Variants in ABCA13 observed in about 807,000 individuals in gnomAD.
ABCA13 encodes the protein ATP-binding cassette sub-family A member 13.
In ABCA13, 476 loss-of-function variants were observed where a neutral mutation model predicts 478.7. That is an observed-to-expected ratio of 0.99 (90% confidence interval 0.92 to 1.07). The LOEUF is 1.07. ABCA13 is among the 50% of genes least tolerant of loss of function. The probability of loss-of-function intolerance (pLI) is 0.00; values close to 1 mark genes in which losing one functional copy is unlikely to be tolerated. For missense variants in ABCA13, 6,060 were observed against 5,910.6 expected (o/e 1.03, Z -0.83); for synonymous variants, 2,252 against 2,158.9 (o/e 1.04, Z -1.20).
chr7:48,513,401 A>G (rs1028040389), intron 51 of ABCA13, among the ~76,000 whole-genome samples: 1 of 152,220 alleles, frequency 6.6e-6, no homozygotes, highest in Non-Finnish European at 1.5e-5. Context: ...TTAAACTATA[A>G]AAGGGAGAGT....
At chr7:48,308,882 A>G (rs1801315158) in intron 23 of ABCA13, among the ~76,000 whole-genome samples, 1 of 150,160 alleles carries the variant, frequency 6.7e-6, no homozygotes, top group Non-Finnish European at 1.5e-5. Context: ...TTTGTAGTCT[A>G]GGAGCAATAG....
At chr7:48,214,868 G>A (rs963394216) in intron 3 of ABCA13, among the ~76,000 whole-genome samples, 2 of 152,186 alleles carry the variant, frequency 1.3e-5, no homozygotes, top group Non-Finnish European at 2.9e-5. Flanking sequence ...TTTCACTGGA[G>A]TGGCACTTTT....
chr7:48,228,398 T>C (rs775744271), intron 6 of ABCA13, among the ~76,000 whole-genome samples: 6 of 152,182 alleles, frequency 3.9e-5, no homozygotes, highest in Non-Finnish European at 8.8e-5. Context: ...TGGCCCCTCC[T>C]TCTGAGGGCA....
intron 3 of ABCA13, among the ~76,000 whole-genome samples, chr7:48,210,739 G>T (rs1462211703): frequency 6.6e-6 from 1 of 151,760 alleles, no homozygotes; most frequent in Non-Finnish European, 1.5e-5. Flanking sequence ...AATTTTTTTA[G>T]ACTTATTTTG....
chr7:48,405,598 C>A (rs906459849), intron 39 of ABCA13, among the ~76,000 whole-genome samples: 6 of 152,192 alleles, frequency 3.9e-5, no homozygotes, highest in African/African-American at 1.4e-4. Context: ...GGGAGATAGA[C>A]AAATAGATAA....
At chr7:48,581,567 G>A (rs572000328) in intron 56 of ABCA13, among the ~76,000 whole-genome samples, 1 of 152,176 alleles carries the variant, frequency 6.6e-6, no homozygotes, top group Admixed American at 6.5e-5. Context: ...GCTTGGCAAA[G>A]GCTTTAAGCT....
intron 19 of ABCA13, 94 bp from the exon 20 acceptor site, chr7:48,287,866 A>G: frequency 1.1e-6 from 1 of 891,150 alleles, no homozygotes; most frequent in Non-Finnish European, 1.8e-6. Flanking sequence ...AGGAATTTGT[A>G]TCACTTTGAA....
At chr7:48,550,606 T>G (rs61520194) in intron 55 of ABCA13, among the ~76,000 whole-genome samples, 12,379 of 151,826 alleles carry the variant, frequency 0.082, 741 homozygotes, top group East Asian at 0.16. Flanking sequence ...AATTTATGTG[T>G]GTGTTGTTGT....
chr7:48,595,740 T>G (rs1366874858), intron 58 of ABCA13, among the ~76,000 whole-genome samples: 1 of 152,192 alleles, frequency 6.6e-6, no homozygotes, highest in East Asian at 1.9e-4. Flanking sequence ...TTATAACATC[T>G]GATAAGGAAG....
intron 5 of ABCA13, among the ~76,000 whole-genome samples, chr7:48,221,652 C>T (rs1052279458): frequency 2.6e-5 from 4 of 152,140 alleles, no homozygotes; most frequent in African/African-American, 4.8e-5. Flanking sequence ...GTGACTCCCT[C>T]GAGGCACGAA....
At chr7:48,603,071 A>C (rs1585946987) in intron 58 of ABCA13, among the ~76,000 whole-genome samples, 1 of 152,070 alleles carries the variant, frequency 6.6e-6, no homozygotes, top group Admixed American at 6.5e-5. Context: ...ATTTTTGCGC[A>C]TTGATTTTGT....
intron 31 of ABCA13, among the ~76,000 whole-genome samples, chr7:48,360,089 G>A (rs550980207): frequency 6.6e-5 from 10 of 151,434 alleles, no homozygotes; most frequent in African/African-American, 2.0e-4. Context: ...TGTGCACAAC[G>A]TGCAGGTTTG....
chr7:48,302,823 C>T (rs1287403630), intron 23 of ABCA13, among the ~76,000 whole-genome samples: 1 of 152,126 alleles, frequency 6.6e-6, no homozygotes, highest in Non-Finnish European at 1.5e-5. Context: ...TAGGTATCCT[C>T]ATGGTAGAAT....
chr7:48,180,541 C>T (rs1795539222), intron 1 of ABCA13, among the ~76,000 whole-genome samples: 1 of 152,148 alleles, frequency 6.6e-6, no homozygotes, highest in South Asian at 2.1e-4. Context: ...CTGCCTCAGC[C>T]TCCTAAGTAG....
chr7:48,426,813 C>T (rs1258104427), intron 41 of ABCA13, among the ~76,000 whole-genome samples: 1 of 152,174 alleles, frequency 6.6e-6, no homozygotes, highest in East Asian at 1.9e-4. Context: ...CTGCATGCTT[C>T]CAGAGTCTGT....
Position 48,249,307 on chromosome 7 carries a change from C to T in ABCA13, c.1961C>T (p.Ala654Val), listed in dbSNP as rs766334958. Residue 654 changes from alanine to valine, a missense_variant, in exon 15 of 62, where the codon GCC becomes GTC. By Grantham distance (64) the Ala-to-Val change is moderately conservative. Coordinates refer to ENST00000435803, the MANE Select transcript of ABCA13 (RefSeq NM_152701.5). Reference protein sequence around the residue: ...KKFIRKTCEVAQYVNMQESFQ... With the variant: ...KKFIRKTCEVVQYVNMQESFQ... ...TTTATCAGGAAGACTTGCGAAGTGG[C>T]CCAATATGTAAATATGCAAGAGAGT... is the stretch of plus-strand genomic sequence containing the variant. 6 of 1,613,084 alleles carry T rather than the reference C, an allele frequency of 3.7e-6. No homozygotes were observed. The African/African-American group carries it at 8.0e-5, about 22-fold the overall frequency.
At chr7:48,475,344 G>A (rs1307370596) in intron 45 of ABCA13, among the ~76,000 whole-genome samples, 1 of 151,938 alleles carries the variant, frequency 6.6e-6, no homozygotes, top group African/African-American at 2.4e-5. Flanking sequence ...CTGGTCTTTA[G>A]TGTTCATGTT....
intron 59 of ABCA13, among the ~76,000 whole-genome samples, chr7:48,639,688 G>A (rs1274775471): frequency 2.6e-5 from 4 of 152,144 alleles, no homozygotes; most frequent in Admixed American, 6.6e-5. Context: ...AAATCAGTGG[G>A]CATATATCTA....
intron 23 of ABCA13, among the ~76,000 whole-genome samples, chr7:48,300,316 C>A (rs1799974220): frequency 6.6e-6 from 1 of 152,236 alleles, no homozygotes; most frequent in African/African-American, 2.4e-5. Context: ...TTCATTTCTT[C>A]CTTTATTCAC....
Sources: gnomAD v4.1 joint callset for allele counts (sites outside exome capture counted in the v4.1 genomes callset) on GRCh38, gnomAD v4.1.1 for gene constraint, MANE v1.5 for transcripts, NCBI Gene and HGNC (gene_info 2026-07-23, HGNC 2026-07-21) for gene names.